NFIX: variants seen among roughly 807,000 people sequenced by gnomAD.
NFIX encodes the protein nuclear factor I X, also known as nuclear factor 1 X-type.
NFIX carries 2 observed loss-of-function variants against 53.3 expected under a neutral mutation model. The observed-to-expected ratio is 0.04, with a 90% CI of 0.02 to 0.12. NFIX has a LOEUF of 0.12. Ranked by LOEUF, NFIX falls within the 10% of genes least tolerant of loss-of-function variation. NFIX has a pLI of 1.00. For synonymous variants in NFIX, 244 were observed against 289.0 expected (o/e 0.84, Z 1.58); for missense variants, 310 against 674.5 (o/e 0.46, Z 5.99).
chr19:13,087,285 G>A (rs980021197), intron 8 of NFIX, among the ~76,000 whole-genome samples: 2 of 152,194 alleles, frequency 1.3e-5, no homozygotes, highest in Admixed American at 6.5e-5. Flanking sequence ...CCTGGCAGCC[G>A]AGCATCCATG....
intron 1 of NFIX, among the ~76,000 whole-genome samples, chr19:13,010,246 T>C (rs924344487): frequency 1.3e-5 from 2 of 152,116 alleles, no homozygotes; most frequent in Admixed American, 6.5e-5. Context: ...AGATCCGGGC[T>C]CAGCTGGGTC....
chr19:13,019,502 T>C (rs2012844649), intron 1 of NFIX, among the ~76,000 whole-genome samples: 1 of 152,108 alleles, frequency 6.6e-6, no homozygotes, highest in Non-Finnish European at 1.5e-5. Flanking sequence ...TTTCCCTCCA[T>C]CTTTGTCCTT....
chr19:13,089,067 C>T lies in NFIX; in HGVS notation c.1402+931C>T, dbSNP rs1368707635. ...GTGGCCCATCTCACACTGCTCTCCG[C>T]TCGCTTTGTCTCTCCTCCTTTCTCG... On this transcript the variant is annotated intron_variant, in intron 9 of 10. Transcript: ENST00000592199. This position sits in a 1 kb window ranked among gnomAD's most constrained non-coding sequence, Gnocchi z 4.8. 1.3e-5 allele frequency among the ~76,000 whole-genome samples: 2 copies of T among 152,264 alleles called. No individual in the cohort carries two copies. The highest frequency in any genetic ancestry group is 4.8e-5 in the African/African-American group (2 of 41,554).
chr19:13,061,096 C>T (rs901429350), intron 2 of NFIX, among the ~76,000 whole-genome samples: 1 of 150,682 alleles, frequency 6.6e-6, no homozygotes, highest in Admixed American at 6.6e-5. Flanking sequence ...CCCCCTCCCC[C>T]CCAAATCGAG....
At position 13,061,271 on chromosome 19, in the gene NFIX, G is replaced by A. The variant is rs1027170342; in HGVS notation, c.560-11776G>A. On this transcript the variant is annotated intron_variant, in intron 2 of 10. Coordinates refer to ENST00000592199, the MANE Select transcript of NFIX (RefSeq NM_001365902.3). Reference sequence around the variant, plus strand: ...CCCCTTTCCATCCGGCCCATGCACCGCAAGCTGTTCCTAATCAATGCGAAC... The same window carrying A: ...CCCCTTTCCATCCGGCCCATGCACCACAAGCTGTTCCTAATCAATGCGAAC... Among the ~76,000 whole-genome samples, 3 of 152,284 alleles carry A rather than the reference G, an allele frequency of 2.0e-5. No individual in the cohort carries two copies. In the East Asian group the frequency reaches 5.8e-4, roughly 29 times the overall value.
Position 13,089,993 on chromosome 19 carries a change from C to T in NFIX, c.1403-306C>T, listed in dbSNP as rs994963266. Among the ~76,000 whole-genome samples, 22 of 152,194 alleles carry T rather than the reference C, an allele frequency of 1.4e-4. No individual in the cohort carries two copies. The highest frequency in any genetic ancestry group is 1.4e-3 in the Admixed American group (21 of 15,284). On this transcript the variant is annotated intron_variant, in intron 9 of 10. Coordinates refer to ENST00000592199, the MANE Select transcript of NFIX (RefSeq NM_001365902.3). The surrounding 1 kb of genome is among the most constrained non-coding windows in gnomAD (Gnocchi z 4.8). ...ACTTGTCTCAGCCTCCAGGGCCTCT[C>T]CCTCATCCCAGCTGTGAAAAAGGAT... is the stretch of plus-strand genomic sequence containing the variant.
chr19:13,036,731 AAGTGTATATCCTCTGGCTATAAATAGCC>A lies in NFIX; in HGVS notation c.559+11181_559+11208del, dbSNP rs2014225097. Among the ~76,000 whole-genome samples, 3 of 152,292 alleles carry A rather than the reference AAGTGTATATCCTCTGGCTATAAATAGCC, an allele frequency of 2.0e-5. No individual in the cohort carries two copies. Among genetic ancestry groups the A allele is most frequent in the African/African-American group, 4.8e-5 (2 of 41,562 alleles). On this transcript the variant is annotated intron_variant, in intron 2 of 10. Coordinates refer to ENST00000592199, the MANE Select transcript of NFIX (RefSeq NM_001365902.3). This position sits in a 1 kb window ranked among gnomAD's most constrained non-coding sequence, Gnocchi z 4.7. ...CCAGAATACAGACAGGGGGTGTAAT[AAGTGTATATCCTCTGGCTATAAATAGCC>A]ACCAGCCCCACACCAAATATGTGGT...
In NFIX at chr19:13,094,535, G is replaced by C. The variant is rs953272088; in HGVS notation, c.1495-100G>C. 7.0e-6 allele frequency: 9 copies of C among 1,284,260 alleles called. No homozygotes were observed. In the African/African-American group the frequency reaches 1.0e-4, roughly 15 times the overall value. The allele number at this position is 1,284,260 out of a possible 1,614,324, so 79.6% of individuals were successfully genotyped here. A position where few individuals can be genotyped will look rare whatever the true frequency, so the allele number is the denominator to read the frequency against. ...GCTGCCCGGCACCCTGGCTCTTTGGGAGCTGGACCCTTGAGGGGCCAGGTC... is the reference window on the plus strand; with the variant it reads ...GCTGCCCGGCACCCTGGCTCTTTGGCAGCTGGACCCTTGAGGGGCCAGGTC... On this transcript the variant is annotated intron_variant, in intron 10 of 10. Coordinates refer to ENST00000592199, the MANE Select transcript of NFIX (RefSeq NM_001365902.3). The surrounding 1 kb of genome is among the most constrained non-coding windows in gnomAD (Gnocchi z 4.3).
At position 13,060,082 on chromosome 19, in the gene NFIX, C is replaced by A. The variant is rs1475073210; in HGVS notation, c.560-12965C>A. On this transcript the variant is annotated intron_variant, in intron 2 of 10. Transcript: ENST00000592199. This position sits in a 1 kb window ranked among gnomAD's most constrained non-coding sequence, Gnocchi z 4.3. ...AGATTACAGGCATGAGCCACCGCAC[C>A]CGGCCAAGAGGAACGCTTTTGGCCT... Among the ~76,000 whole-genome samples the A allele has an allele frequency of 6.6e-6, 1 of 152,232 alleles. No individual in the cohort carries two copies. Among genetic ancestry groups the A allele is most frequent in the Non-Finnish European group, 1.5e-5 (1 of 68,042 alleles).
Position 13,096,955 on chromosome 19 carries a change from A to AC in NFIX, c.*2306_*2307insC, listed in dbSNP as rs2018502382. On this transcript the variant is annotated 3_prime_UTR_variant, in exon 11 of 11. Transcript: ENST00000592199. ...TGTGGGGACGTGTTAGGAGAGAAAA[A>AC]AAAAAAAACAAAAATATATATGGGG... 6.6e-6 allele frequency: 1 copy of AC among 150,838 alleles called. No individual in the cohort carries two copies. Among genetic ancestry groups the AC allele is most frequent in the Non-Finnish European group, 1.5e-5 (1 of 67,700 alleles). 9.3% of individuals were successfully genotyped at this position (150,838 alleles called of 1,614,324 possible). A position where few individuals can be genotyped will look rare whatever the true frequency, so the allele number is the denominator to read the frequency against.
At chr19:13,080,984 A>T (rs1425414291) in intron 7 of NFIX, among the ~76,000 whole-genome samples, 1 of 147,708 alleles carries the variant, frequency 6.8e-6, no homozygotes, top group Non-Finnish European at 1.5e-5. Context: ...TGGGTGAGAG[A>T]GCGAGACTCA....
In NFIX at chr19:13,028,080, G is replaced by A. The variant is rs2013509711; in HGVS notation, c.559+2528G>A. ...TCTTGAGATGGCACAGACCAGGCAT[G>A]GCTTGCTTCCTCCTTGAGCTGGCAA... On this transcript the variant is annotated intron_variant, in intron 2 of 10. Transcript: ENST00000592199. The surrounding 1 kb of genome is among the most constrained non-coding windows in gnomAD (Gnocchi z 4.2). 6.6e-6 allele frequency among the ~76,000 whole-genome samples: 1 copy of A among 152,198 alleles called. No homozygotes were observed. Among genetic ancestry groups the A allele is most frequent in the African/African-American group, 2.4e-5 (1 of 41,448 alleles).
intron 6 of NFIX, among the ~76,000 whole-genome samples, chr19:13,077,775 C>T (rs1320109051): frequency 6.6e-6 from 1 of 152,228 alleles, no homozygotes. Context: ...TCCAGAAGAA[C>T]CTGGCCCCCT....
intron 1 of NFIX, among the ~76,000 whole-genome samples, chr19:12,997,797 C>T (rs1162946395): frequency 6.6e-6 from 1 of 152,210 alleles, no homozygotes; most frequent in Non-Finnish European, 1.5e-5. Context: ...CCTGTGGATA[C>T]GCCGGTGACA....
At chr19:12,997,835 G>A (rs573674700) in intron 1 of NFIX, among the ~76,000 whole-genome samples, 1 of 152,362 alleles carries the variant, frequency 6.6e-6, no homozygotes, top group African/African-American at 2.4e-5. Flanking sequence ...GGGCGGCTGC[G>A]AGACCCAGGG....
chr19:13,026,809 C>T (rs1409503349), intron 2 of NFIX, among the ~76,000 whole-genome samples: 1 of 151,314 alleles, frequency 6.6e-6, no homozygotes, highest in Non-Finnish European at 1.5e-5. Context: ...CCTTCATTTT[C>T]CTTCTTCCTC....
At chr19:13,015,808 A>ACACG (rs1555695241) in intron 1 of NFIX, among the ~76,000 whole-genome samples, 240 of 150,656 alleles carry the variant, frequency 1.6e-3, no homozygotes, top group East Asian at 3.9e-3. Flanking sequence ...ACACACACAC[A>ACACG]CACACGCACA....
chr19:13,088,701 G>A lies in NFIX; in HGVS notation c.1402+565G>A, dbSNP rs1241841797. 2.0e-5 allele frequency among the ~76,000 whole-genome samples: 3 copies of A among 151,372 alleles called. No individual in the cohort carries two copies. Among genetic ancestry groups the A allele is most frequent in the Non-Finnish European group, 2.9e-5 (2 of 67,862 alleles). ...CCCTCAGTCTCACATTTGGTTTCTC[G>A]TTGTTCCTCTTTTTTTTTCCCCCCC... is the stretch of plus-strand genomic sequence containing the variant. On this transcript the variant is annotated intron_variant, in intron 9 of 10. Transcript: ENST00000592199. This position sits in a 1 kb window ranked among gnomAD's most constrained non-coding sequence, Gnocchi z 5.9.
At chr19:13,091,851 C>T (rs1362662175) in intron 10 of NFIX, among the ~76,000 whole-genome samples, 2 of 152,258 alleles carry the variant, frequency 1.3e-5, no homozygotes, top group Non-Finnish European at 2.9e-5. Flanking sequence ...TGCCACGAGC[C>T]GTCCCTGCTA....
Sources: allele counts gnomAD v4.1 joint callset (sites outside exome capture counted in the v4.1 genomes callset), GRCh38; gene constraint gnomAD v4.1.1; non-coding constraint Gnocchi (gnomAD v3.1); transcripts MANE v1.5; gene names NCBI Gene and HGNC (gene_info 2026-07-23, HGNC 2026-07-21).